AUTS2: variants seen among roughly 807,000 people sequenced by gnomAD.
The protein encoded by AUTS2 is activator of transcription and developmental regulator AUTS2.
In AUTS2, 17 loss-of-function variants were observed where a neutral mutation model predicts 112.4. The observed-to-expected ratio is 0.15, with a 90% confidence interval of 0.10 to 0.23. The LOEUF (loss-of-function observed/expected upper bound fraction) is 0.23, where lower values mean the gene tolerates loss of function less well. Among genes scored for constraint, AUTS2 ranks in the 10% least tolerant of loss-of-function variants. The pLI is 1.00. For synonymous variants in AUTS2, 751 were observed against 702.7 expected (o/e 1.07, Z -1.09); for missense variants, 1,510 against 1,701.6 (o/e 0.89, Z 1.98).
chr7:70,764,608 C>CG, intron 7 of AUTS2, 144 bp from the exon 8 acceptor site: 4 of 618,064 alleles, frequency 6.5e-6, no homozygotes, highest in Non-Finnish European at 1.2e-5. Context: ...AGAAAGTGTG[C>CG]TCGTACAGGG....
chr7:70,641,326 G>T (rs1001917047), intron 5 of AUTS2, among the ~76,000 whole-genome samples: 1 of 152,104 alleles, frequency 6.6e-6, no homozygotes, highest in African/African-American at 2.4e-5. Flanking sequence ...AAGGCAGGCG[G>T]ATCACAAGGT....
intron 4 of AUTS2, among the ~76,000 whole-genome samples, chr7:70,242,723 C>CG (rs1327476882): frequency 6.6e-6 from 1 of 152,154 alleles, no homozygotes; most frequent in Non-Finnish European, 1.5e-5. Flanking sequence ...AAATAGTCCA[C>CG]TGTGTGTGCA....
intron 1 of AUTS2, among the ~76,000 whole-genome samples, chr7:69,671,987 G>T (rs191775798): frequency 6.6e-6 from 1 of 152,130 alleles, no homozygotes; most frequent in Non-Finnish European, 1.5e-5. Flanking sequence ...AGGGTCTGAG[G>T]CAGTAGGTTG....
chr7:70,396,333 G>A (rs1397335520), intron 4 of AUTS2, among the ~76,000 whole-genome samples: 6 of 151,758 alleles, frequency 4.0e-5, no homozygotes, highest in African/African-American at 7.2e-5. Context: ...ATCTTATAGC[G>A]TGTATACTTT....
At chr7:70,039,443 A>G (rs1183259138) in intron 2 of AUTS2, among the ~76,000 whole-genome samples, 2 of 151,754 alleles carry the variant, frequency 1.3e-5, no homozygotes, top group African/African-American at 4.8e-5. Flanking sequence ...GCTCACTGCA[A>G]CCTCTGCCCC....
chr7:70,227,104 A>G (rs1011672345), intron 4 of AUTS2, among the ~76,000 whole-genome samples: 2 of 152,188 alleles, frequency 1.3e-5, no homozygotes, highest in African/African-American at 4.8e-5. Flanking sequence ...CCAGGAAGTT[A>G]AACTAGATGG....
At chr7:69,944,434 A>G (rs893221232) in intron 2 of AUTS2, among the ~76,000 whole-genome samples, 9 of 152,144 alleles carry the variant, frequency 5.9e-5, no homozygotes, top group African/African-American at 2.2e-4. Context: ...ATTCATGTGC[A>G]CTTTAAAAAC....
At chr7:69,851,756 C>T (rs989001446) in intron 1 of AUTS2, among the ~76,000 whole-genome samples, 3 of 152,150 alleles carry the variant, frequency 2.0e-5, no homozygotes, top group African/African-American at 7.2e-5. Context: ...AGACATTATA[C>T]ATAACATTGT....
intron 1 of AUTS2, among the ~76,000 whole-genome samples, chr7:69,737,498 G>C (rs1017612321): frequency 2.0e-5 from 3 of 152,086 alleles, no homozygotes; most frequent in Admixed American, 2.0e-4. Context: ...TTTTTGCCTA[G>C]TCCGGGTTAT....
intron 1 of AUTS2, among the ~76,000 whole-genome samples, chr7:69,753,480 A>G (rs1416571033): frequency 6.6e-6 from 1 of 152,170 alleles, no homozygotes; most frequent in Non-Finnish European, 1.5e-5. Context: ...AGTTCAGAGA[A>G]TATGAGAATT....
At chr7:69,613,776 T>G (rs1793169420) in intron 1 of AUTS2, among the ~76,000 whole-genome samples, 1 of 152,230 alleles carries the variant, frequency 6.6e-6, no homozygotes, top group Non-Finnish European at 1.5e-5. Flanking sequence ...GACCTTGTTT[T>G]GAGGGCTAGG....
At chr7:69,830,560 A>G (rs2129527436) in intron 1 of AUTS2, among the ~76,000 whole-genome samples, 1 of 152,296 alleles carries the variant, frequency 6.6e-6, no homozygotes, top group African/African-American at 2.4e-5. Flanking sequence ...TATTTATTTT[A>G]GTTATTTTAA....
At chr7:69,708,938 G>A (rs1798183517) in intron 1 of AUTS2, among the ~76,000 whole-genome samples, 1 of 152,150 alleles carries the variant, frequency 6.6e-6, no homozygotes, top group South Asian at 2.1e-4. Context: ...TGAGAGAGGG[G>A]TGTTACATGG....
rs1185348364 is a variant in AUTS2 at position 70,790,803 on chromosome 7, G to C, written c.3587G>C (p.Arg1196Pro). The change falls in exon 19 of 19, where the codon CGC becomes CCC. Residue 1196 changes from arginine to proline, a missense_variant. Around this residue, in one of 3 missense-constraint regions of AUTS2, gnomAD observed 788 missense variants for 797.6 expected, o/e 0.99. Transcript: ENST00000342771. This position sits in a 1 kb window ranked among gnomAD's most constrained non-coding sequence, Gnocchi z 7.6. Reference protein sequence around the residue: ...TPGLPSMHYPRISPTAGNQNG... With the variant: ...TPGLPSMHYPPISPTAGNQNG... ...GGACTCCCCAGCATGCACTATCCCCGCATCAGCCCCACCGCGGGCAACCAG... is the reference window on the plus strand; with the variant it reads ...GGACTCCCCAGCATGCACTATCCCCCCATCAGCCCCACCGCGGGCAACCAG... 29 of 1,606,062 alleles carry C rather than the reference G, an allele frequency of 1.8e-5. No individual in the cohort carries two copies. Among genetic ancestry groups the C allele is most frequent in the Non-Finnish European group, 2.4e-5 (28 of 1,175,974 alleles).
intron 1 of AUTS2, among the ~76,000 whole-genome samples, chr7:69,744,351 T>A (rs1438977792): frequency 6.6e-6 from 1 of 152,134 alleles, no homozygotes; most frequent in Non-Finnish European, 1.5e-5. Context: ...TCTTAAGGAA[T>A]ATGTATTTTT....
intron 4 of AUTS2, chr7:70,293,429 G>A (rs1369573331): frequency 6.6e-6 from 1 of 152,110 alleles, no homozygotes; most frequent in East Asian, 1.9e-4. Flanking sequence ...TACTCATGCT[G>A]TTCTACCTGT....
At chr7:70,415,201 T>C (rs1414697970) in intron 4 of AUTS2, among the ~76,000 whole-genome samples, 1 of 152,176 alleles carries the variant, frequency 6.6e-6, no homozygotes, top group Non-Finnish European at 1.5e-5. Flanking sequence ...GATAATGCCT[T>C]CATGACAAAG....
chr7:70,617,445 G>A (rs1804432852), intron 5 of AUTS2, among the ~76,000 whole-genome samples: 1 of 152,178 alleles, frequency 6.6e-6, no homozygotes. Flanking sequence ...GGCGGATCAT[G>A]AGGTCAGGAG....
At chr7:69,796,522 C>T (rs1310266932) in intron 1 of AUTS2, among the ~76,000 whole-genome samples, 2 of 115,988 alleles carry the variant, frequency 1.7e-5, no homozygotes, top group African/African-American at 3.5e-5. Flanking sequence ...GACTCTGTTT[C>T]CAAAAAAAAA....
Sources: allele counts gnomAD v4.1 joint callset (sites outside exome capture counted in the v4.1 genomes callset), GRCh38; gene constraint gnomAD v4.1.1; regional missense constraint gnomAD v4.1.1; non-coding constraint Gnocchi (gnomAD v3.1); transcripts MANE v1.5; gene names NCBI Gene and HGNC (gene_info 2026-07-23, HGNC 2026-07-21).